TBCD: variants seen among roughly 807,000 people sequenced by gnomAD.
TBCD encodes tubulin-specific chaperone D.
In TBCD, 105 loss-of-function variants were observed where a neutral mutation model predicts 169.3. The ratio of observed to expected loss-of-function variants is 0.62; its 90% CI spans 0.53 to 0.73. The LOEUF is 0.73. Ranked by LOEUF, TBCD falls within the 30% of genes least tolerant of loss-of-function variation. TBCD has a pLI of 0.00. For missense variants in TBCD, 1,444 were observed against 1,600.1 expected (o/e 0.90, Z 1.66); for synonymous variants, 700 against 643.9 (o/e 1.09, Z -1.32).
rs916856259 is a variant in TBCD at position 82,845,611 on chromosome 17, C to T, written c.1319-24613C>T. Reference sequence around the variant, plus strand: ...CCTGGCCCCTTGCTCTCCCTCCGTCCTGTCCGGCTCAGCCCTTTCCTCTCC... The same window carrying T: ...CCTGGCCCCTTGCTCTCCCTCCGTCTTGTCCGGCTCAGCCCTTTCCTCTCC... On this transcript the variant is annotated intron_variant, in intron 13 of 38. Coordinates refer to ENST00000355528, the MANE Select transcript of TBCD (RefSeq NM_005993.5). 2.6e-5 allele frequency among the ~76,000 whole-genome samples: 4 copies of T among 152,168 alleles called. No homozygotes were observed. The South Asian group carries it at 8.3e-4, about 32-fold the overall frequency.
In TBCD at chr17:82,941,390, T is replaced by C. The variant is rs756452348; in HGVS notation, c.3480-9T>C. ...CTCGAGAGACTCACGGCTCTCCCTC[T>C]CCTCACAGGGACGCGGAGCTTGCAG... is the stretch of plus-strand genomic sequence containing the variant. On this transcript the variant is annotated splice_polypyrimidine_tract_variant and intron_variant, in intron 37 of 38. Coordinates refer to ENST00000355528, the MANE Select transcript of TBCD (RefSeq NM_005993.5). 6.3e-7 allele frequency: 1 copy of C among 1,582,572 alleles called. No homozygotes were observed. The highest frequency in any genetic ancestry group is 1.1e-5 in the South Asian group (1 of 87,520).
At position 82,850,260 on chromosome 17, in the gene TBCD, GTGT is replaced by G. The variant is rs1164388837; in HGVS notation, c.1319-19955_1319-19953del. The stretch of plus-strand genomic sequence containing the variant: ...GCTGTTGGCTGTGCTGTTGTTGGCT[GTGT>G]TGTTGTTGGCTGTGCTGCTGTTGGC... On this transcript the variant is annotated intron_variant, in intron 13 of 38. Transcript: ENST00000355528. Among the ~76,000 whole-genome samples the G allele has an allele frequency of 1.4e-3, 203 of 143,498 alleles. 2 individuals carry two copies. The highest frequency in any genetic ancestry group is 4.7e-3 in the African/African-American group (171 of 36,554). The allele number at this position is 143,498 out of a possible 152,430, so 94.1% of individuals were successfully genotyped here.
At chr17:82,753,085 T>TA (rs2047202219) in intron 1 of TBCD, among the ~76,000 whole-genome samples, 2 of 152,216 alleles carry the variant, frequency 1.3e-5, no homozygotes, top group Non-Finnish European at 2.9e-5. Flanking sequence ...TAGGAGCTCA[T>TA]AGCTAAGTAG....
chr17:82,805,931 A>G lies in TBCD; in HGVS notation c.1007A>G (p.Gln336Arg), dbSNP rs369221447. The change falls in exon 10 of 39, where the codon CAG becomes CGG. Residue 336 changes from glutamine (Q) to arginine (R), a missense_variant. By Grantham distance (43) the Gln-to-Arg change is conservative (BLOSUM62 1). Coordinates refer to ENST00000355528, the MANE Select transcript of TBCD (RefSeq NM_005993.5). Reference sequence around the variant, plus strand: ...AATCTGCAGCTCCTCACTCAGGGTCAGAGTGAGCAGAAGCCACTCATCCTG... The same window carrying G: ...AATCTGCAGCTCCTCACTCAGGGTCGGAGTGAGCAGAAGCCACTCATCCTG... The part of the protein sequence containing the change: ...AANLQLLTQG[Q>R]SEQKPLILTE... 1.9e-6 allele frequency: 3 copies of G among 1,613,642 alleles called. No individual in the cohort carries two copies. The African/African-American group carries it at 4.0e-5, about 22-fold the overall frequency.
Position 82,772,453 on chromosome 17 carries a change from C to G in TBCD, c.584C>G (p.Ser195Cys). 8.7e-6 allele frequency: 14 copies of G among 1,613,878 alleles called. No homozygotes were observed. The highest frequency in any genetic ancestry group is 1.2e-5 in the Non-Finnish European group (14 of 1,179,874). The change falls in exon 6 of 39, where the codon TCC becomes TGC. Residue 195 changes from serine (S) to cysteine (C), a missense_variant and splice_region_variant. Transcript: ENST00000355528. ...TCTGTGCTTCACCCTTTCTTGCAGT[C>G]CTACTTGATTGTCAGTGACAAGGCC... ...IMDRILQIAE[S>C]YLIVSDKARD...
Position 82,942,471 on chromosome 17 carries a change from C to G in TBCD, c.*8C>G, listed in dbSNP as rs1433871912. 3 of 1,613,974 alleles carry G rather than the reference C, an allele frequency of 1.9e-6. No homozygotes were observed. The highest frequency in any genetic ancestry group is 2.5e-6 in the Non-Finnish European group (3 of 1,179,882). On this transcript the variant is annotated 3_prime_UTR_variant, in exon 39 of 39. Transcript: ENST00000355528. ...CAGCCTGGTGCCTGCTGAAGCCAGT[C>G]CTGGAGCCCATACCTCACCCCTGCC...
intron 7 of TBCD, among the ~76,000 whole-genome samples, chr17:82,792,977 G>T (rs773620757): frequency 6.6e-6 from 1 of 151,970 alleles, no homozygotes; most frequent in Non-Finnish European, 1.5e-5. Flanking sequence ...TGTCCGGGCT[G>T]GTCTGGGACT....
At chr17:82,894,540 T>G (rs2059354645) in intron 17 of TBCD, among the ~76,000 whole-genome samples, 2 of 152,100 alleles carry the variant, frequency 1.3e-5, no homozygotes, top group African/African-American at 4.8e-5. Context: ...CTGGGCAGAA[T>G]TTTGAAAATG....
In TBCD at chr17:82,815,042, G is replaced by A. The variant is rs562702916; in HGVS notation, c.1318+108G>A. The A allele has an allele frequency of 1.2e-4, 185 of 1,513,246 alleles. 1 individual carries two copies. In the African/African-American group the frequency reaches 2.0e-3, roughly 16 times the overall value. The allele number at this position is 1,513,246 out of a possible 1,614,324, so 93.7% of individuals were successfully genotyped here. A position where few individuals can be genotyped will look rare whatever the true frequency, so the allele number is the denominator to read the frequency against. Reference sequence around the variant, plus strand: ...CGTGGATGGTGAGTAGCTGAAGCACGGTCAGCTGCGTCACCAGGCTGTCCG... The same window carrying A: ...CGTGGATGGTGAGTAGCTGAAGCACAGTCAGCTGCGTCACCAGGCTGTCCG... On this transcript the variant is annotated intron_variant, in intron 13 of 38. Coordinates refer to ENST00000355528, the MANE Select transcript of TBCD (RefSeq NM_005993.5).
chr17:82,920,431 T>G lies in TBCD; in HGVS notation c.2039-125T>G, dbSNP rs2061347701. The G allele has an allele frequency of 1.3e-6, 1 of 764,252 alleles. No individual in the cohort carries two copies. Among genetic ancestry groups the G allele is most frequent in the Admixed American group, 2.6e-5 (1 of 38,332 alleles). 47.3% of individuals were successfully genotyped at this position (764,252 alleles called of 1,614,324 possible). ...GATGTTTCCAGCCCTGGCAGCAGGG[T>G]AGGTTGGGCGGGTGAGGGGCAGGAG... On this transcript the variant is annotated intron_variant, in intron 23 of 38. Coordinates refer to ENST00000355528, the MANE Select transcript of TBCD (RefSeq NM_005993.5). This position sits in a 1 kb window ranked among gnomAD's most constrained non-coding sequence, Gnocchi z 4.1.
chr17:82,870,800 C>T (rs565380682), intron 14 of TBCD, among the ~76,000 whole-genome samples: 42 of 152,344 alleles, frequency 2.8e-4, no homozygotes, highest in South Asian at 4.1e-4. Context: ...TGGGTCTTGG[C>T]GAGAGGCGAA....
intron 2 of TBCD, among the ~76,000 whole-genome samples, chr17:82,761,694 G>A (rs895153390): frequency 2.0e-5 from 3 of 147,582 alleles, no homozygotes; most frequent in Admixed American, 7.0e-5. Flanking sequence ...GTTTTCTCTC[G>A]TGCTGATAAA....
intron 1 of TBCD, among the ~76,000 whole-genome samples, chr17:82,753,004 T>C (rs1272272862): frequency 3.3e-5 from 5 of 152,194 alleles, no homozygotes; most frequent in Non-Finnish European, 1.5e-5. Flanking sequence ...GGCCATTCGA[T>C]GAGTCTAAAT....
chr17:82,802,009 G>A (rs1410690448), intron 9 of TBCD, among the ~76,000 whole-genome samples: 3 of 151,608 alleles, frequency 2.0e-5, no homozygotes, highest in East Asian at 1.9e-4. Context: ...GCGTGGCAGC[G>A]TGTGTGCGTC....
chr17:82,860,607 G>A lies in TBCD; in HGVS notation c.1319-9617G>A, dbSNP rs112443891. 2.6e-3 allele frequency among the ~76,000 whole-genome samples: 402 copies of A among 152,342 alleles called. 3 individuals are homozygous for A. The highest frequency in any genetic ancestry group is 0.01 in the Middle Eastern group (3 of 294). ...GGAATCCAGTGCCCACTGTGACAGT[G>A]GAGAGCCAGCAGACGCCACTGGCTT... On this transcript the variant is annotated intron_variant, in intron 13 of 38. Transcript: ENST00000355528.
chr17:82,924,693 C>T (rs938921066), intron 26 of TBCD, among the ~76,000 whole-genome samples: 16 of 152,164 alleles, frequency 1.1e-4, no homozygotes, highest in African/African-American at 3.1e-4. Context: ...GTTGAGGCTG[C>T]AGCGAGCTAA....
chr17:82,803,726 C>G (rs2050742830), intron 9 of TBCD, among the ~76,000 whole-genome samples: 1 of 152,170 alleles, frequency 6.6e-6, no homozygotes, highest in Non-Finnish European at 1.5e-5. Flanking sequence ...CCGAGTCTCA[C>G]CATTGTTGAG....
chr17:82,923,708 G>A lies in TBCD; in HGVS notation c.2235G>A (p.Pro745=), dbSNP rs373335565. Residue 745 remains proline, a synonymous_variant, in exon 26 of 39, where the codon CCG becomes CCA. Coordinates refer to ENST00000355528, the MANE Select transcript of TBCD (RefSeq NM_005993.5). This position sits in a 1 kb window ranked among gnomAD's most constrained non-coding sequence, Gnocchi z 4.6. ...GCAGTGAATATTACATGAAGGAGCC[G>A]GGGGAGGCAGATCCCGCAATTCAGG... ...ALCSEYYMKE[P]GEADPAIQEE... 3.3e-5 allele frequency: 53 copies of A among 1,598,996 alleles called. No homozygotes were observed. Among genetic ancestry groups the A allele is most frequent in the South Asian group, 5.7e-5 (5 of 88,272 alleles).
At chr17:82,897,729 G>A (rs2059586880) in intron 17 of TBCD, among the ~76,000 whole-genome samples, 1 of 152,306 alleles carries the variant, frequency 6.6e-6, no homozygotes, top group South Asian at 2.1e-4. Flanking sequence ...TGTCGCTGGG[G>A]CTCCCCCGTT....
Sources: allele counts gnomAD v4.1 joint callset (sites outside exome capture counted in the v4.1 genomes callset), GRCh38; gene constraint gnomAD v4.1.1; non-coding constraint Gnocchi (gnomAD v3.1); transcripts MANE v1.5; gene names NCBI Gene and HGNC (gene_info 2026-07-23, HGNC 2026-07-21).